CFAP221: variants seen among roughly 807,000 people sequenced by gnomAD.
The protein encoded by CFAP221 is cilia- and flagella-associated protein 221.
A neutral mutation model predicts 113.1 loss-of-function variants in CFAP221; 97 were observed. That is an observed-to-expected ratio of 0.86 (90% CI 0.73 to 1.02). The LOEUF is 1.02. Among genes scored for constraint, CFAP221 ranks in the 50% least tolerant of loss-of-function variants. The pLI, the probability that CFAP221 is intolerant of heterozygous loss-of-function variation, is 0.00. For missense variants in CFAP221, 1,025 were observed against 1,013.4 expected, an observed-to-expected ratio of 1.01 and a Z score of -0.16; for synonymous variants, 331 against 354.4, an observed-to-expected ratio of 0.93 and a Z score of 0.74.
At chr2:119,560,179 G>C (rs182900378) in intron 5 of CFAP221, among the ~76,000 whole-genome samples, 153 bp downstream of exon 5, 1 of 151,614 alleles carries the variant, frequency 6.6e-6, no homozygotes, top group Non-Finnish European at 1.5e-5. Flanking sequence ...TGTGACTGGC[G>C]TGCAAAGCTT....
At chr2:119,640,666 C>T (rs115290867) in intron 21 of CFAP221, among the ~76,000 whole-genome samples, 1,606 of 152,312 alleles carry the variant, frequency 0.011, 21 homozygotes, top group Non-Finnish European at 0.018. Flanking sequence ...ATCCTCTGAT[C>T]CAGAATGAGG....
In CFAP221 at chr2:119,575,854, C is replaced by T. The variant is rs371378780; in HGVS notation, c.528-11265C>T. Among the ~76,000 whole-genome samples, 3 of 152,326 alleles carry T rather than the reference C, an allele frequency of 2.0e-5. 1 individual carries two copies. In the South Asian group the frequency reaches 6.2e-4, roughly 32 times the overall value. On this transcript the variant is annotated intron_variant, in intron 6 of 23. Transcript: ENST00000413369. Reference sequence around the variant, plus strand: ...CAGATATCATGTCATCTGGTCACCTCTAACTTGTTCTGAATTCAAGTTAGC... The same window carrying T: ...CAGATATCATGTCATCTGGTCACCTTTAACTTGTTCTGAATTCAAGTTAGC...
intron 7 of CFAP221, among the ~76,000 whole-genome samples, chr2:119,587,699 G>A (rs1413330115): frequency 6.6e-6 from 1 of 152,126 alleles, no homozygotes; most frequent in Admixed American, 6.5e-5. Context: ...CTGCTTCCCA[G>A]TTCCTGTCTC....
chr2:119,656,546 G>GCC lies in CFAP221; in HGVS notation c.*77_*78dup. On this transcript the variant is annotated 3_prime_UTR_variant, in exon 24 of 24. Coordinates refer to ENST00000413369, the MANE Select transcript of CFAP221 (RefSeq NM_001271049.2). The stretch of plus-strand genomic sequence containing the variant: ...GCCCCTTGCGTCCATTTACATGCCA[G>GCC]CCATCTCTGCAATTAAAGTTTCTGG... The GCC allele has an allele frequency of 1.1e-6, 1 of 911,212 alleles. No individual in the cohort carries two copies. Among genetic ancestry groups the GCC allele is most frequent in the East Asian group, 2.5e-5 (1 of 39,290 alleles). The allele number at this position is 911,212 out of a possible 1,614,324, so 56.4% of individuals were successfully genotyped here.
At chr2:119,596,435 A>G (rs996500586) in intron 7 of CFAP221, among the ~76,000 whole-genome samples, 1 of 152,144 alleles carries the variant, frequency 6.6e-6, no homozygotes, top group African/African-American at 2.4e-5. Flanking sequence ...CAGCTTATAT[A>G]CTTGATGGAA....
chr2:119,647,159 T>G, intron 22 of CFAP221, 109 bp downstream of exon 22: 1 of 784,382 alleles, frequency 1.3e-6, no homozygotes, highest in Non-Finnish European at 2.0e-6. Context: ...AGCTTGCAAC[T>G]CAAATGAGAA....
intron 7 of CFAP221, among the ~76,000 whole-genome samples, chr2:119,596,341 T>A (rs1463851471): frequency 6.6e-6 from 1 of 152,172 alleles, no homozygotes; most frequent in Non-Finnish European, 1.5e-5. Flanking sequence ...CTGAAGCCCC[T>A]CCAGTCGCCC....
At chr2:119,633,201 C>T (rs1686897730) in intron 19 of CFAP221, among the ~76,000 whole-genome samples, 1 of 151,958 alleles carries the variant, frequency 6.6e-6, no homozygotes, top group Non-Finnish European at 1.5e-5. Context: ...CTCACACCAT[C>T]TACATAAATT....
intron 3 of CFAP221, among the ~76,000 whole-genome samples, chr2:119,550,771 T>C (rs573194556): frequency 1.0e-3 from 154 of 152,364 alleles, no homozygotes; most frequent in Non-Finnish European, 1.9e-3. Flanking sequence ...AATTTACCCA[T>C]TTACAGTATG....
At chr2:119,645,545 T>A (rs1687752679) in intron 21 of CFAP221, among the ~76,000 whole-genome samples, 1 of 151,996 alleles carries the variant, frequency 6.6e-6, no homozygotes. Flanking sequence ...TCACAGATGC[T>A]TTCCTCATTC....
At chr2:119,636,750 T>C (rs563879250) in intron 19 of CFAP221, among the ~76,000 whole-genome samples, 2 of 152,250 alleles carry the variant, frequency 1.3e-5, no homozygotes, top group African/African-American at 4.8e-5. Context: ...GCAGCCGAGG[T>C]GAGTCGCTAC....
chr2:119,574,819 A>G (rs1355830268), intron 6 of CFAP221, among the ~76,000 whole-genome samples: 2 of 152,222 alleles, frequency 1.3e-5, no homozygotes, highest in Middle Eastern at 3.2e-3. Flanking sequence ...CACTGAACTG[A>G]CTATAATTTC....
intron 21 of CFAP221, among the ~76,000 whole-genome samples, chr2:119,643,484 G>A (rs1687616974): frequency 6.6e-6 from 1 of 152,210 alleles, no homozygotes; most frequent in East Asian, 1.9e-4. Flanking sequence ...GAAATGTCCA[G>A]AAGAACTTTG....
intron 15 of CFAP221, among the ~76,000 whole-genome samples, chr2:119,627,013 TG>T (rs1055497549): frequency 1.3e-5 from 2 of 151,984 alleles, no homozygotes; most frequent in African/African-American, 4.8e-5. Flanking sequence ...CGGTAGCTTC[TG>T]GGAGCCCAAA....
At chr2:119,560,768 G>A (rs931190951) in intron 5 of CFAP221, among the ~76,000 whole-genome samples, 15 of 152,002 alleles carry the variant, frequency 9.9e-5, no homozygotes, top group African/African-American at 2.7e-4. Context: ...GTGACTTGCC[G>A]TGAAAGCATT....
intron 6 of CFAP221, among the ~76,000 whole-genome samples, chr2:119,570,753 A>G (rs1681986445): frequency 6.6e-6 from 1 of 152,256 alleles, no homozygotes; most frequent in Non-Finnish European, 1.5e-5. Flanking sequence ...TTTAATGGAT[A>G]TAACACATTT....
intron 1 of CFAP221, among the ~76,000 whole-genome samples, chr2:119,544,793 G>A (rs1409140589): frequency 1.3e-5 from 2 of 152,142 alleles, no homozygotes; most frequent in Non-Finnish European, 2.9e-5. Flanking sequence ...AGAGAATGGG[G>A]CGAGGGAACG....
intron 3 of CFAP221, among the ~76,000 whole-genome samples, chr2:119,555,776 C>T (rs967446603): frequency 6.6e-6 from 1 of 152,184 alleles, no homozygotes; most frequent in East Asian, 1.9e-4. Context: ...TACCAGGTCA[C>T]TGTGTCTTCA....
intron 3 of CFAP221, among the ~76,000 whole-genome samples, chr2:119,559,015 C>T (rs560785458): frequency 1.6e-4 from 25 of 152,292 alleles, no homozygotes; most frequent in African/African-American, 5.8e-4. Flanking sequence ...GTCTCTTAAC[C>T]TTCTCCTGGC....
Sources: gnomAD v4.1 joint callset for allele counts (sites outside exome capture counted in the v4.1 genomes callset) on GRCh38, gnomAD v4.1.1 for gene constraint, MANE v1.5 for transcripts, NCBI Gene and HGNC (gene_info 2026-07-23, HGNC 2026-07-21) for gene names.